The following KDM2B variants were observed in gnomAD, a reference collection of about 807,000 sequenced individuals.
KDM2B encodes lysine demethylase 2B.
A neutral mutation model predicts 150.0 loss-of-function variants in KDM2B; 26 were observed. That is an observed-to-expected ratio of 0.17 (90% CI 0.13 to 0.24). KDM2B has a LOEUF of 0.24. Ranked by LOEUF, KDM2B falls within the 10% of genes least tolerant of loss-of-function variation. KDM2B has a pLI of 1.00. For missense variants in KDM2B, 1,265 were observed against 1,816.9 expected (o/e 0.70, Z 5.52); for synonymous variants, 734 against 729.5 (o/e 1.01, Z -0.10).
At chr12:121,461,710 A>G (rs1555293808) in intron 12 of KDM2B, among the ~76,000 whole-genome samples, 1 of 152,168 alleles carries the variant, frequency 6.6e-6, no homozygotes, top group African/African-American at 2.4e-5. Context: ...GGGACAGCCA[A>G]GGAAGGTGTT....
chr12:121,496,945 T>C lies in KDM2B; in HGVS notation c.1648-2280A>G, dbSNP rs77446438. Among the ~76,000 whole-genome samples, 19 of 152,120 alleles carry C rather than the reference T, an allele frequency of 1.2e-4. No individual in the cohort carries two copies. The East Asian group carries it at 3.5e-3, about 28-fold the overall frequency. ...TATAGGTGTGAGCCTCCCAAAGTTC[T>C]GGGATTGCAGGTGTGAGCCACTGCA... On this transcript the variant is annotated intron_variant, in intron 11 of 22. Coordinates refer to ENST00000377071, the MANE Select transcript of KDM2B (RefSeq NM_032590.5).
Position 121,430,429 on chromosome 12 carries a change from T to C in KDM2B, c.3870A>G (p.Lys1290=), listed in dbSNP as rs782595665. 6.2e-7 allele frequency: 1 copy of C among 1,614,062 alleles called. No homozygotes were observed. The highest frequency in any genetic ancestry group is 1.7e-5 in the Admixed American group (1 of 60,008). The change falls in exon 23 of 23, where the codon AAA becomes AAG. Residue 1290 remains lysine, a synonymous_variant. Transcript: ENST00000377071. The surrounding 1 kb of genome is among the most constrained non-coding windows in gnomAD (Gnocchi z 4.4). ...CAATATGACAGATGTTTCCACAGCG[T>C]TTGAAGAAGGACAGGCACTGATCAG... ...KVTDQCLSFF[K]RCGNICHIDL...
chr12:121,435,441 G>A (rs1191235476), intron 22 of KDM2B, among the ~76,000 whole-genome samples: 1 of 152,212 alleles, frequency 6.6e-6, no homozygotes, highest in East Asian at 1.9e-4. Flanking sequence ...AAGGTGTTTA[G>A]TTGTGATTTC....
intron 4 of KDM2B, among the ~76,000 whole-genome samples, chr12:121,573,285 C>T (rs892186123): frequency 2.1e-5 from 3 of 141,990 alleles, no homozygotes; most frequent in African/African-American, 7.8e-5. Context: ...ACACTGTTTA[C>T]TTTTTTTTTT....
At chr12:121,528,110 T>A (rs752865927) in intron 8 of KDM2B, among the ~76,000 whole-genome samples, 6 of 152,226 alleles carry the variant, frequency 3.9e-5, no homozygotes, top group Admixed American at 6.5e-5. Flanking sequence ...TATTCTCACC[T>A]CCTGCCTCAT....
chr12:121,447,379 G>A (rs1232076924), intron 13 of KDM2B, among the ~76,000 whole-genome samples: 2 of 151,732 alleles, frequency 1.3e-5, no homozygotes, highest in African/African-American at 4.8e-5. Flanking sequence ...CTCCCGAGTA[G>A]CACAGGTGCC....
chr12:121,562,351 G>A (rs1039018413), intron 4 of KDM2B, among the ~76,000 whole-genome samples: 12 of 152,006 alleles, frequency 7.9e-5, no homozygotes, highest in Non-Finnish European at 1.6e-4. Flanking sequence ...GGGCGTGGTG[G>A]TATGAGCCTG....
intron 1 of KDM2B, among the ~76,000 whole-genome samples, chr12:121,579,839 G>A (rs920986941): frequency 2.0e-5 from 3 of 151,188 alleles, no homozygotes; most frequent in Non-Finnish European, 4.4e-5. Context: ...ACAAGGGGCT[G>A]GAGGAGTAAG....
intron 4 of KDM2B, among the ~76,000 whole-genome samples, chr12:121,560,511 C>G (rs1555313703): frequency 6.6e-6 from 1 of 152,108 alleles, no homozygotes; most frequent in Non-Finnish European, 1.5e-5. Context: ...GACCTAGATC[C>G]CTGGGGTTTC....
chr12:121,478,866 T>TTGTTTGTTTGTG (rs61509046), intron 12 of KDM2B, among the ~76,000 whole-genome samples: 6,646 of 131,152 alleles, frequency 0.051, 387 homozygotes, highest in East Asian at 0.14. Context: ...TTTTGTTTGT[T>TTGTTTGTTTGTG]TGTGTGTGTG....
intron 6 of KDM2B, among the ~76,000 whole-genome samples, chr12:121,545,910 A>C (rs993080358): frequency 2.0e-5 from 3 of 150,678 alleles, no homozygotes; most frequent in Admixed American, 6.6e-5. Context: ...CACCATCCCA[A>C]GTCGACTACA....
chr12:121,448,319 CAAAAAAA>C (rs57261158), intron 13 of KDM2B, among the ~76,000 whole-genome samples: 15 of 51,118 alleles, frequency 2.9e-4, no homozygotes, highest in East Asian at 6.2e-4. Context: ...GACTCTGTCT[CAAAAAAA>C]AAAAAAAAAA....
rs1223395881 is a variant in KDM2B at position 121,438,202 on chromosome 12, C to T, written c.3829+1655G>A. On this transcript the variant is annotated intron_variant, in intron 22 of 22. Transcript: ENST00000377071. ...CTGGGAGGCAGAGGCTGGAGTGAGC[C>T]GAGATCGCACCACTGCACTCCAGCC... 2.7e-5 allele frequency among the ~76,000 whole-genome samples: 4 copies of T among 148,554 alleles called. No homozygotes were observed. The East Asian group carries it at 5.9e-4, about 22-fold the overall frequency.
At chr12:121,488,865 C>T (rs1251975633) in intron 12 of KDM2B, among the ~76,000 whole-genome samples, 5 of 151,932 alleles carry the variant, frequency 3.3e-5, no homozygotes, top group Admixed American at 6.6e-5. Context: ...AGTGCAATGG[C>T]GCGATCTTGG....
intron 6 of KDM2B, among the ~76,000 whole-genome samples, chr12:121,539,470 AAG>A (rs1888431156): frequency 6.6e-6 from 1 of 152,018 alleles, no homozygotes; most frequent in South Asian, 2.1e-4. Context: ...CAGCTCCTTG[AAG>A]GCAGGGACTA....
At chr12:121,509,509 G>A (rs1300908774) in intron 11 of KDM2B, 58 bp downstream of exon 11, 4 of 1,583,212 alleles carry the variant, frequency 2.5e-6, no homozygotes, top group Admixed American at 1.7e-5. Context: ...GTGTCACACT[G>A]AACGGGACCT....
At chr12:121,509,071 T>G (rs1043128793) in intron 11 of KDM2B, among the ~76,000 whole-genome samples, 3 of 152,034 alleles carry the variant, frequency 2.0e-5, no homozygotes, top group Non-Finnish European at 4.4e-5. Context: ...GCTCTTTTGT[T>G]TTTTTGAGAC....
At chr12:121,464,773 C>T (rs1879629991) in intron 12 of KDM2B, among the ~76,000 whole-genome samples, 2 of 152,204 alleles carry the variant, frequency 1.3e-5, no homozygotes, top group African/African-American at 2.4e-5. Flanking sequence ...TGGTGCCAAA[C>T]CCATTCAGCA....
chr12:121,490,160 G>A (rs1475391169), intron 12 of KDM2B, among the ~76,000 whole-genome samples: 7 of 152,330 alleles, frequency 4.6e-5, no homozygotes, highest in South Asian at 4.1e-4. Flanking sequence ...TCGGAGGAAA[G>A]GGGAGAGAGA....
Sources: gnomAD v4.1 joint callset for allele counts (sites outside exome capture counted in the v4.1 genomes callset) on GRCh38, gnomAD v4.1.1 for gene constraint, Gnocchi (gnomAD v3.1) non-coding constraint, MANE v1.5 for transcripts, NCBI Gene and HGNC (gene_info 2026-07-23, HGNC 2026-07-21) for gene names.